Variants in SF3A3 observed in about 807,000 individuals in gnomAD.
The protein encoded by SF3A3 is splicing factor 3a subunit 3.
SF3A3 carries 9 observed loss-of-function variants against 85.8 expected under a neutral mutation model. That is an observed-to-expected ratio of 0.10 (90% confidence interval 0.06 to 0.18). The LOEUF (loss-of-function observed/expected upper bound fraction) is 0.18, where lower values mean the gene tolerates loss of function less well. Ranked by LOEUF, SF3A3 falls within the 10% of genes least tolerant of loss-of-function variation. The pLI, the probability that SF3A3 is intolerant of heterozygous loss-of-function variation, is 1.00. For missense variants in SF3A3, 306 were observed against 593.3 expected (o/e 0.52, Z 5.03); for synonymous variants, 195 against 204.4 (o/e 0.95, Z 0.39).
chr1:37,979,576 C>T, intron 8 of SF3A3, 43 bp from the exon 9 acceptor site: 1 of 1,526,880 alleles, frequency 6.5e-7, no homozygotes, highest in Non-Finnish European at 9.1e-7. Flanking sequence ...CAGGTTTAGG[C>T]CAGGTGTGGT....
chr1:37,966,439 G>A (rs1646300846), intron 15 of SF3A3, among the ~76,000 whole-genome samples: 1 of 151,962 alleles, frequency 6.6e-6, no homozygotes, highest in South Asian at 2.1e-4. Context: ...AGCTTACTGA[G>A]GGTACTTCTA....
Position 37,989,996 on chromosome 1 carries a change from C to T in SF3A3, c.-31G>A. On this transcript the variant is annotated 5_prime_UTR_variant, in exon 1 of 17. Coordinates refer to ENST00000373019, the MANE Select transcript of SF3A3 (RefSeq NM_006802.4). ...CTTAGTCGCGGCTTCTCAATTCAGA[C>T]CACCAACACGGCCGGAAGCAACTCC... 1 of 1,535,808 alleles carries T rather than the reference C, an allele frequency of 6.5e-7. No individual in the cohort carries two copies. The highest frequency in any genetic ancestry group is 9.0e-7 in the Non-Finnish European group (1 of 1,116,674).
chr1:37,964,194 C>CA (rs1646282641), intron 15 of SF3A3, among the ~76,000 whole-genome samples: 1 of 151,142 alleles, frequency 6.6e-6, no homozygotes, highest in South Asian at 2.1e-4. Context: ...AAAACAAGAA[C>CA]AAAAACAAAC....
intron 12 of SF3A3, among the ~76,000 whole-genome samples, chr1:37,971,101 A>G (rs543680952): frequency 2.0e-5 from 3 of 152,264 alleles, no homozygotes; most frequent in Non-Finnish European, 2.9e-5. Flanking sequence ...AACAAAATTG[A>G]TAAGACCGCT....
intron 16 of SF3A3, among the ~76,000 whole-genome samples, chr1:37,958,945 G>T (rs1327346873): frequency 1.3e-5 from 2 of 152,100 alleles, no homozygotes; most frequent in African/African-American, 4.8e-5. Context: ...GTCGCTATGA[G>T]AGTATCATCT....
In SF3A3 at chr1:37,958,087, T is replaced by G; in HGVS notation, c.*99A>C. ...ATGCATGCTAGACCATGAGACTACA[T>G]AGCAAAGGGTCTTTAAGAGGATTTG... On this transcript the variant is annotated 3_prime_UTR_variant, in exon 17 of 17. Transcript: ENST00000373019. 1.2e-6 allele frequency: 1 copy of G among 805,212 alleles called. No individual in the cohort carries two copies. Among genetic ancestry groups the G allele is most frequent in the Non-Finnish European group, 2.2e-6 (1 of 455,002 alleles). The allele number at this position is 805,212 out of a possible 1,614,324, so 49.9% of individuals were successfully genotyped here.
chr1:37,985,422 T>TA (rs926905431), intron 4 of SF3A3, among the ~76,000 whole-genome samples: 14 of 148,032 alleles, frequency 9.5e-5, no homozygotes, highest in African/African-American at 2.2e-4. Flanking sequence ...GTTTTTTTTT[T>TA]AAATCCTGAT....
intron 15 of SF3A3, among the ~76,000 whole-genome samples, chr1:37,965,664 G>A (rs1009689077): frequency 1.3e-5 from 2 of 151,902 alleles, no homozygotes; most frequent in East Asian, 3.9e-4. Flanking sequence ...TGAAGTGGGA[G>A]GATCACTTGA....
At chr1:37,964,873 C>T (rs1646288057) in intron 15 of SF3A3, among the ~76,000 whole-genome samples, 1 of 152,112 alleles carries the variant, frequency 6.6e-6, no homozygotes, top group Admixed American at 6.6e-5. Flanking sequence ...CAGTCATTCT[C>T]TTAACATGAG....
intron 12 of SF3A3, among the ~76,000 whole-genome samples, chr1:37,976,513 G>A (rs1275735797): frequency 6.6e-6 from 1 of 152,102 alleles, no homozygotes; most frequent in African/African-American, 2.4e-5. Flanking sequence ...CTTTTCATAA[G>A]TCATAACTGA....
intron 4 of SF3A3, 70 bp from the exon 5 acceptor site, chr1:37,984,849 C>T: frequency 7.6e-7 from 1 of 1,322,958 alleles, no homozygotes; most frequent in Non-Finnish European, 1.1e-6. Context: ...ACTCTGTGGC[C>T]CAGGCTGGAG....
Position 37,966,702 on chromosome 1 carries a change from C to T in SF3A3, c.1372+1342G>A, listed in dbSNP as rs190242762. On this transcript the variant is annotated intron_variant, in intron 15 of 16. Transcript: ENST00000373019. ...CTGTAATCGCAGCACTTTGGGAGGCCGAGGTGGGCAGATCACCTGAGGTCA... is the reference window on the plus strand; with the variant it reads ...CTGTAATCGCAGCACTTTGGGAGGCTGAGGTGGGCAGATCACCTGAGGTCA... 5.2e-3 allele frequency among the ~76,000 whole-genome samples: 792 copies of T among 151,468 alleles called. 2 individuals are homozygous for T. Among genetic ancestry groups the T allele is most frequent in the Non-Finnish European group, 8.5e-3 (577 of 67,892 alleles).
intron 2 of SF3A3, among the ~76,000 whole-genome samples, chr1:37,988,703 T>C (rs536097521): frequency 1.8e-4 from 28 of 152,266 alleles, no homozygotes; most frequent in Non-Finnish European, 3.2e-4. Flanking sequence ...GTAAGGAACG[T>C]AGTAAAATGA....
At chr1:37,964,704 G>A (rs903835043) in intron 15 of SF3A3, among the ~76,000 whole-genome samples, 8 of 152,192 alleles carry the variant, frequency 5.3e-5, no homozygotes, top group African/African-American at 1.7e-4. Flanking sequence ...CTACCACTGC[G>A]GGGAAAACAG....
chr1:37,963,596 G>T (rs1005124386), intron 15 of SF3A3, among the ~76,000 whole-genome samples: 1 of 150,170 alleles, frequency 6.7e-6, no homozygotes, highest in Admixed American at 6.6e-5. Context: ...TCACTCTGTC[G>T]CCCAGGTTGG....
At position 37,968,932 on chromosome 1, in the gene SF3A3, T is replaced by C. The variant is rs1330965715; in HGVS notation, c.1281+422A>G. On this transcript the variant is annotated intron_variant, in intron 14 of 16. Coordinates refer to ENST00000373019, the MANE Select transcript of SF3A3 (RefSeq NM_006802.4). ...TGTCTCAAGAATGGCTTGATAAATA[T>C]CAGCCCCTTCATTTTTTATTTTCTC... 2.0e-5 allele frequency among the ~76,000 whole-genome samples: 3 copies of C among 152,208 alleles called. No individual in the cohort carries two copies. The East Asian group carries it at 5.8e-4, about 29-fold the overall frequency.
intron 1 of SF3A3, 97 bp from the exon 2 acceptor site, chr1:37,989,692 C>T: frequency 6.8e-7 from 1 of 1,474,714 alleles, no homozygotes; most frequent in Non-Finnish European, 9.3e-7. Flanking sequence ...CTTTTACCAG[C>T]TGAGGCAGAA....
chr1:37,976,848 T>C, intron 12 of SF3A3, 36 bp downstream of exon 12: 1 of 1,305,156 alleles, frequency 7.7e-7, no homozygotes, highest in Non-Finnish European at 1.1e-6. Flanking sequence ...TCCTGTGCTT[T>C]ATACCATTTT....
chr1:37,980,964 C>G (rs1404935875), intron 7 of SF3A3, among the ~76,000 whole-genome samples: 1 of 147,198 alleles, frequency 6.8e-6, no homozygotes, highest in Non-Finnish European at 1.5e-5. Flanking sequence ...ATTCTCCTGT[C>G]TCAGCCTCCC....
Sources: allele counts gnomAD v4.1 joint callset (sites outside exome capture counted in the v4.1 genomes callset), GRCh38; gene constraint gnomAD v4.1.1; transcripts MANE v1.5; gene names NCBI Gene and HGNC (gene_info 2026-07-23, HGNC 2026-07-21).